Variants in FSTL4 observed in about 807,000 individuals in gnomAD.
FSTL4 encodes follistatin like 4, also known as follistatin-related protein 4.
Under a neutral mutation model 78.2 loss-of-function variants are expected in FSTL4, and 28 were observed. The observed-to-expected ratio is 0.36, with a 90% confidence interval of 0.27 to 0.49. FSTL4 has a LOEUF of 0.49. FSTL4 is among the 20% of genes least tolerant of loss of function. FSTL4 has a pLI of 0.98. For missense variants in FSTL4, 922 were observed against 1,084.9 expected (o/e 0.85, Z 2.11); for synonymous variants, 422 against 440.5 (o/e 0.96, Z 0.53).
At chr5:133,515,491 A>T (rs1376614492) in intron 3 of FSTL4, among the ~76,000 whole-genome samples, 1 of 152,184 alleles carries the variant, frequency 6.6e-6, no homozygotes, top group Non-Finnish European at 1.5e-5. Flanking sequence ...AGAGATGATA[A>T]TAAAATAACA....
intron 4 of FSTL4, among the ~76,000 whole-genome samples, chr5:133,366,508 C>A (rs1755183804): frequency 6.6e-6 from 1 of 152,122 alleles, no homozygotes; most frequent in Non-Finnish European, 1.5e-5. Flanking sequence ...TGTTTACTGA[C>A]AGAGTGACAG....
At chr5:133,541,927 G>GACACACACACACACAC (rs61471971) in intron 3 of FSTL4, among the ~76,000 whole-genome samples, 1,825 of 148,306 alleles carry the variant, frequency 0.012, 21 homozygotes, top group South Asian at 0.038. Flanking sequence ...GAATGTTACA[G>GACACACACACACACAC]ACACACACAC....
At chr5:133,601,292 A>G (rs1007849341) in intron 2 of FSTL4, among the ~76,000 whole-genome samples, 2 of 152,248 alleles carry the variant, frequency 1.3e-5, no homozygotes, top group African/African-American at 4.8e-5. Flanking sequence ...TGCTTATAAA[A>G]TTATTAGGCA....
At chr5:133,574,342 T>A (rs1216245869) in intron 2 of FSTL4, among the ~76,000 whole-genome samples, 2 of 152,216 alleles carry the variant, frequency 1.3e-5, no homozygotes, top group Non-Finnish European at 2.9e-5. Context: ...AACTATAATT[T>A]TTATACCCTC....
At chr5:133,678,700 G>A in the FSTL4 span, among the ~76,000 whole-genome samples, 9 of 152,126 alleles carry the variant, frequency 5.9e-5, no homozygotes, top group African/African-American at 1.7e-4. Context: ...GAGAGAAGTC[G>A]GGGATGGAGT....
intron 2 of FSTL4, among the ~76,000 whole-genome samples, chr5:133,578,749 TCCA>T (rs1157278602): frequency 1.3e-5 from 2 of 152,184 alleles, no homozygotes; most frequent in East Asian, 3.8e-4. Flanking sequence ...TGGTAGCAAA[TCCA>T]CCAATATGAG....
intron 6 of FSTL4, among the ~76,000 whole-genome samples, chr5:133,284,168 A>T (rs930506531): frequency 6.6e-6 from 1 of 152,188 alleles, no homozygotes; most frequent in African/African-American, 2.4e-5. Flanking sequence ...ATCTCCACAG[A>T]TGTGGGAGGG....
chr5:133,741,050 G>A, the FSTL4 span, among the ~76,000 whole-genome samples: 1 of 152,094 alleles, frequency 6.6e-6, no homozygotes, highest in Non-Finnish European at 1.5e-5. Context: ...CCAAAGGAGA[G>A]GAAAAGAGAG....
At chr5:133,381,819 G>A (rs760900853) in intron 4 of FSTL4, among the ~76,000 whole-genome samples, 16 of 152,196 alleles carry the variant, frequency 1.1e-4, no homozygotes, top group South Asian at 2.1e-4. Context: ...GTGTTCAAGC[G>A]TTCCTATGAG....
chr5:133,735,715 C>CCT, the FSTL4 span, among the ~76,000 whole-genome samples: 12 of 151,972 alleles, frequency 7.9e-5, no homozygotes, highest in Non-Finnish European at 1.5e-4. Context: ...CAATGCGAGG[C>CCT]CTCTGCAAGC....
chr5:133,370,005 C>G (rs1755258537), intron 4 of FSTL4, among the ~76,000 whole-genome samples: 1 of 152,136 alleles, frequency 6.6e-6, no homozygotes. Context: ...CAGGGCTGCC[C>G]TCCACCCACC....
chr5:133,667,454 C>G, the FSTL4 span, among the ~76,000 whole-genome samples: 1 of 152,192 alleles, frequency 6.6e-6, no homozygotes, highest in African/African-American at 2.4e-5. Flanking sequence ...TCCTTTGTGG[C>G]CTCCCATCCC....
At chr5:133,645,379 T>C in the FSTL4 span, among the ~76,000 whole-genome samples, 2 of 152,292 alleles carry the variant, frequency 1.3e-5, no homozygotes, top group East Asian at 1.9e-4. Flanking sequence ...CAAGTGTTGA[T>C]GCAGGATGGC....
the FSTL4 span, among the ~76,000 whole-genome samples, chr5:133,774,788 G>A: frequency 6.6e-6 from 1 of 152,062 alleles, no homozygotes; most frequent in Non-Finnish European, 1.5e-5. Flanking sequence ...AGAAAATCAC[G>A]GTAGTCTGTT....
rs59400068 is a variant in FSTL4 at position 133,221,891 on chromosome 5, G to GTTTTT, written c.1340-1030_1340-1026dup. On this transcript the variant is annotated intron_variant, in intron 11 of 15. Coordinates refer to ENST00000265342, the MANE Select transcript of FSTL4 (RefSeq NM_015082.2). Reference sequence around the variant, plus strand: ...AATATGTAGAAAAATCTCTTTTCTAGTTTTTTTTTTTTTTTTTTTTTTTTT... The same window carrying GTTTTT: ...AATATGTAGAAAAATCTCTTTTCTAGTTTTTTTTTTTTTTTTTTTTTTTTTTTTTT... Among the ~76,000 whole-genome samples the GTTTTT allele has an allele frequency of 3.2e-4, 14 of 43,358 alleles. 5 individuals are homozygous for GTTTTT. The highest frequency in any genetic ancestry group is 6.0e-4 in the Non-Finnish European group (10 of 16,686). The allele number at this position is 43,358 out of a possible 152,430, so 28.4% of individuals were successfully genotyped here.
At chr5:133,729,891 G>A in the FSTL4 span, among the ~76,000 whole-genome samples, 6 of 152,078 alleles carry the variant, frequency 3.9e-5, no homozygotes, top group African/African-American at 4.8e-5. Flanking sequence ...TCTCTCAAGC[G>A]GAAGGGCAGG....
At chr5:133,206,465 G>A (rs1249039832) in intron 14 of FSTL4, among the ~76,000 whole-genome samples, 2 of 151,808 alleles carry the variant, frequency 1.3e-5, no homozygotes, top group South Asian at 2.1e-4. Context: ...GGGTTCAAGC[G>A]ATTCTCCTGC....
intron 7 of FSTL4, among the ~76,000 whole-genome samples, chr5:133,239,861 C>T (rs555348699): frequency 6.6e-6 from 1 of 152,228 alleles, no homozygotes; most frequent in Admixed American, 6.5e-5. Context: ...CCAATCAGCA[C>T]CCTGTCAAAA....
chr5:133,352,293 TAC>T (rs201925958), intron 4 of FSTL4, among the ~76,000 whole-genome samples: 10,194 of 133,476 alleles, frequency 0.076, 459 homozygotes, highest in African/African-American at 0.095. Flanking sequence ...CACATATATA[TAC>T]ACACACATAT....
Sources: gnomAD v4.1 joint callset for allele counts (sites outside exome capture counted in the v4.1 genomes callset) on GRCh38, gnomAD v4.1.1 for gene constraint, MANE v1.5 for transcripts, NCBI Gene and HGNC (gene_info 2026-07-23, HGNC 2026-07-21) for gene names.